Variants in CTNNA3 observed in about 807,000 individuals in gnomAD.
The protein encoded by CTNNA3 is catenin alpha 3.
In CTNNA3, 76 loss-of-function variants were observed where a neutral mutation model predicts 95.7. The observed-to-expected ratio is 0.79, with a 90% CI of 0.66 to 0.96. The LOEUF is 0.96. Among genes scored for constraint, CTNNA3 ranks in the 40% least tolerant of loss-of-function variants. CTNNA3 has a pLI of 0.00. For synonymous variants in CTNNA3, 431 were observed against 374.4 expected (o/e 1.15, Z -1.74); for missense variants, 1,191 against 1,089.8 (o/e 1.09, Z -1.31).
intron 6 of CTNNA3, among the ~76,000 whole-genome samples, chr10:67,181,209 T>C (rs1199347990): frequency 6.6e-6 from 1 of 152,184 alleles, no homozygotes; most frequent in Non-Finnish European, 1.5e-5. Flanking sequence ...TTTAATTATT[T>C]AATTTAAAAC....
intron 7 of CTNNA3, among the ~76,000 whole-genome samples, chr10:67,121,913 T>C (rs1307334435): frequency 6.9e-6 from 1 of 145,422 alleles, no homozygotes; most frequent in African/African-American, 2.6e-5. Context: ...TTATGTGAAA[T>C]CTCTAATTTT....
At chr10:66,935,011 G>A (rs76855151) in intron 7 of CTNNA3, among the ~76,000 whole-genome samples, 2 of 152,066 alleles carry the variant, frequency 1.3e-5, no homozygotes, top group Non-Finnish European at 1.5e-5. Flanking sequence ...ATGCTACCTT[G>A]AGTGGTGTTC....
At chr10:67,426,845 C>G (rs1845940342) in intron 5 of CTNNA3, among the ~76,000 whole-genome samples, 1 of 151,082 alleles carries the variant, frequency 6.6e-6, no homozygotes, top group African/African-American at 2.4e-5. Context: ...TAGCAACTTG[C>G]AAGGAAATCT....
At chr10:66,444,623 C>G (rs1024028329) in intron 11 of CTNNA3, among the ~76,000 whole-genome samples, 22 of 152,084 alleles carry the variant, frequency 1.4e-4, no homozygotes, top group African/African-American at 5.3e-4. Context: ...CAAGCAAATG[C>G]TGAGAGATTT....
intron 13 of CTNNA3, among the ~76,000 whole-genome samples, chr10:66,154,719 C>T (rs868291357): frequency 1.2e-3 from 88 of 74,790 alleles, no homozygotes; most frequent in African/African-American, 2.7e-3. Flanking sequence ...TGAAAAAGTT[C>T]ATATATATAT....
intron 5 of CTNNA3, among the ~76,000 whole-genome samples, chr10:67,286,662 C>A (rs1839614895): frequency 6.6e-6 from 1 of 152,086 alleles, no homozygotes; most frequent in Non-Finnish European, 1.5e-5. Context: ...CCAAAAAAAT[C>A]ACCTAATTTT....
At chr10:66,219,930 C>T (rs527571683) in intron 13 of CTNNA3, among the ~76,000 whole-genome samples, 1 of 152,002 alleles carries the variant, frequency 6.6e-6, no homozygotes, top group Non-Finnish European at 1.5e-5. Flanking sequence ...TTGAGACAAG[C>T]CTGGTCAACA....
At chr10:67,412,366 C>G (rs191660862) in intron 5 of CTNNA3, among the ~76,000 whole-genome samples, 42 of 151,924 alleles carry the variant, frequency 2.8e-4, no homozygotes, top group South Asian at 8.3e-4. Flanking sequence ...GGGATTATGA[C>G]CAAATATATG....
chr10:67,733,153 C>T (rs1266667186), intron 1 of CTNNA3, among the ~76,000 whole-genome samples: 1 of 151,958 alleles, frequency 6.6e-6, no homozygotes, highest in Non-Finnish European at 1.5e-5. Context: ...ATGAGTTAAC[C>T]AGGTACCTTT....
chr10:66,024,084 C>CTTTTTTTTTTTTTT (rs1183185763), intron 15 of CTNNA3, among the ~76,000 whole-genome samples: 4 of 62,682 alleles, frequency 6.4e-5, no homozygotes, highest in Admixed American at 1.8e-4. Context: ...ATACCATACA[C>CTTTTTTTTTTTTTT]ATTTTTTTTT....
chr10:67,323,240 T>A (rs1418977462), intron 5 of CTNNA3, among the ~76,000 whole-genome samples: 1 of 152,224 alleles, frequency 6.6e-6, no homozygotes, highest in East Asian at 1.9e-4. Flanking sequence ...CATTTGTCAA[T>A]TTTTGCTTTT....
chr10:66,264,263 C>T (rs1297047297), intron 13 of CTNNA3, among the ~76,000 whole-genome samples: 1 of 151,866 alleles, frequency 6.6e-6, no homozygotes, highest in Non-Finnish European at 1.5e-5. Flanking sequence ...TTCACACACA[C>T]ACAATGCCCC....
intron 11 of CTNNA3, among the ~76,000 whole-genome samples, chr10:66,480,878 C>T (rs984769936): frequency 1.1e-4 from 16 of 152,188 alleles, no homozygotes; most frequent in East Asian, 9.6e-4. Context: ...GCTGGGATTA[C>T]AGGCGTGAGC....
At chr10:66,549,974 TAA>T (rs900053763) in intron 10 of CTNNA3, among the ~76,000 whole-genome samples, 2 of 152,206 alleles carry the variant, frequency 1.3e-5, no homozygotes, top group African/African-American at 4.8e-5. Context: ...ACTAATAAGA[TAA>T]AGACGTATCT....
chr10:66,564,105 C>G (rs906771056), intron 10 of CTNNA3, among the ~76,000 whole-genome samples: 1 of 152,102 alleles, frequency 6.6e-6, no homozygotes, highest in Non-Finnish European at 1.5e-5. Flanking sequence ...TTGACTGAGA[C>G]CTGTCGCAGA....
Position 67,526,948 on chromosome 10 carries a change from G to A in CTNNA3, c.460-4987C>T, listed in dbSNP as rs140574510. Among the ~76,000 whole-genome samples the A allele has an allele frequency of 2.2e-3, 333 of 152,248 alleles. 2 individuals are homozygous for A. Among genetic ancestry groups the A allele is most frequent in the African/African-American group, 7.6e-3 (315 of 41,542 alleles). On this transcript the variant is annotated intron_variant, in intron 4 of 17. Coordinates refer to ENST00000433211, the MANE Select transcript of CTNNA3 (RefSeq NM_013266.4). ...GGTGAGGCTTGGGTGGAAAAATGAC[G>A]AAATCATTGATGCTTTATGAAAAGT...
chr10:66,462,245 C>A (rs1286758673), intron 11 of CTNNA3, among the ~76,000 whole-genome samples: 1 of 152,024 alleles, frequency 6.6e-6, no homozygotes, highest in Non-Finnish European at 1.5e-5. Flanking sequence ...GTTTCACATG[C>A]TACTTATTGA....
chr10:67,237,169 T>TATATATATATATATAC (rs1865522839), intron 5 of CTNNA3, among the ~76,000 whole-genome samples: 1 of 117,646 alleles, frequency 8.5e-6, no homozygotes, highest in African/African-American at 3.2e-5. Flanking sequence ...TATATATATA[T>TATATATATATATATAC]ATATACACAC....
intron 7 of CTNNA3, among the ~76,000 whole-genome samples, chr10:66,783,369 C>A (rs1005371937): frequency 6.6e-6 from 1 of 152,090 alleles, no homozygotes; most frequent in Non-Finnish European, 1.5e-5. Context: ...ATAAATCCTT[C>A]AATATCAATT....
Sources: allele counts gnomAD v4.1 joint callset (sites outside exome capture counted in the v4.1 genomes callset), GRCh38; gene constraint gnomAD v4.1.1; transcripts MANE v1.5; gene names NCBI Gene and HGNC (gene_info 2026-07-23, HGNC 2026-07-21).